The following TYW1 variants were observed in gnomAD, a reference collection of about 807,000 sequenced individuals.
TYW1 encodes tRNA-yW synthesizing protein 1 homolog, also known as S-adenosyl-L-methionine-dependent tRNA 4-demethylwyosine synthase TYW1.
A neutral mutation model predicts 96.2 loss-of-function variants in TYW1; 46 were observed. The ratio of observed to expected loss-of-function variants is 0.48; its 90% confidence interval spans 0.38 to 0.61. The LOEUF is 0.61. TYW1 is among the 20% of genes least tolerant of loss of function. The probability of loss-of-function intolerance (pLI) is 0.00; values close to 1 mark genes in which losing one functional copy is unlikely to be tolerated. For synonymous variants in TYW1, 274 were observed against 323.0 expected, an observed-to-expected ratio of 0.85 and a Z score of 1.63; for missense variants, 684 against 909.6, an observed-to-expected ratio of 0.75 and a Z score of 3.19.
At chr7:67,171,330 T>A (rs961188787) in intron 13 of TYW1, among the ~76,000 whole-genome samples, 9 of 152,190 alleles carry the variant, frequency 5.9e-5, no homozygotes, top group Non-Finnish European at 1.2e-4. Flanking sequence ...TCATAGAACA[T>A]ACTTTTGGTT....
At position 67,005,711 on chromosome 7, in the gene TYW1, C is replaced by T. The variant is rs553026143; in HGVS notation, c.274-3872C>T. ...CCCTCTTCTGACTCCAGTGTACTCT[C>T]AACTCAGCAACCTCAGTGACTGTTT... is the stretch of plus-strand genomic sequence containing the variant. On this transcript the variant is annotated intron_variant, in intron 3 of 15. Transcript: ENST00000359626. Among the ~76,000 whole-genome samples the T allele has an allele frequency of 5.3e-5, 8 of 152,342 alleles. No individual in the cohort carries two copies. In the East Asian group the frequency reaches 9.7e-4, roughly 18 times the overall value.
intron 13 of TYW1, among the ~76,000 whole-genome samples, chr7:67,154,220 C>A (rs761044779): frequency 2.0e-5 from 3 of 152,130 alleles, no homozygotes; most frequent in African/African-American, 4.8e-5. Flanking sequence ...CCGCGCCTGG[C>A]CCATTTAACG....
At chr7:67,189,582 A>G (rs1341178985) in intron 14 of TYW1, among the ~76,000 whole-genome samples, 3 of 152,210 alleles carry the variant, frequency 2.0e-5, no homozygotes, top group Non-Finnish European at 4.4e-5. Flanking sequence ...AAAATGTGCC[A>G]GTGTAGCCTA....
At chr7:67,093,391 T>C (rs533590138) in intron 11 of TYW1, among the ~76,000 whole-genome samples, 157 of 152,236 alleles carry the variant, frequency 1.0e-3, no homozygotes, top group African/African-American at 3.7e-3. Flanking sequence ...ACCAAGGATA[T>C]AAAACTACCT....
chr7:67,189,360 TTGTATGTGTGCA>T (rs1800130283), intron 14 of TYW1, among the ~76,000 whole-genome samples: 2 of 151,712 alleles, frequency 1.3e-5, no homozygotes, highest in South Asian at 2.1e-4. Context: ...CACTTGTGTG[TTGTATGTGTGCA>T]TGTATGTGTG....
Position 67,033,401 on chromosome 7 carries a change from C to T in TYW1, c.984+8379C>T, listed in dbSNP as rs544553182. On this transcript the variant is annotated intron_variant, in intron 7 of 15. Transcript: ENST00000359626. The stretch of plus-strand genomic sequence containing the variant: ...CCAATTCCTACCCAGCAGCAGTGCT[C>T]ACTTGCTAATGCAAGTAGCTGATCC... Among the ~76,000 whole-genome samples, 5 of 152,290 alleles carry T rather than the reference C, an allele frequency of 3.3e-5. No homozygotes were observed. The South Asian group carries it at 1.0e-3, about 32-fold the overall frequency.
chr7:67,162,873 G>A (rs1463253098), intron 13 of TYW1, among the ~76,000 whole-genome samples: 1 of 152,170 alleles, frequency 6.6e-6, no homozygotes, highest in Non-Finnish European at 1.5e-5. Flanking sequence ...TCATCTTGTG[G>A]TGGTGGTTTT....
At chr7:67,055,399 C>G (rs1795476310) in intron 8 of TYW1, among the ~76,000 whole-genome samples, 1 of 152,052 alleles carries the variant, frequency 6.6e-6, no homozygotes, top group African/African-American at 2.4e-5. Flanking sequence ...GAGTTCGAGA[C>G]CAGCCTGGCC....
At chr7:67,056,458 C>T (rs972703653) in intron 9 of TYW1, among the ~76,000 whole-genome samples, 2 of 149,084 alleles carry the variant, frequency 1.3e-5, no homozygotes, top group African/African-American at 5.0e-5. Context: ...TGCCACTGCA[C>T]TCCAGCCTGG....
chr7:67,210,980 CCTGT>C (rs1288562427), intron 15 of TYW1, among the ~76,000 whole-genome samples: 4 of 151,022 alleles, frequency 2.6e-5, no homozygotes, highest in African/African-American at 4.9e-5. Flanking sequence ...TGCCTGCCTG[CCTGT>C]CTGTCTATGT....
intron 15 of TYW1, among the ~76,000 whole-genome samples, chr7:67,221,049 T>G (rs1451568422): frequency 1.3e-5 from 2 of 152,208 alleles, no homozygotes; most frequent in East Asian, 3.8e-4. Context: ...TTCTTGCTTA[T>G]CTTTCTCTGG....
chr7:67,085,515 T>C (rs550571447), intron 11 of TYW1, among the ~76,000 whole-genome samples: 1 of 152,312 alleles, frequency 6.6e-6, no homozygotes, highest in Non-Finnish European at 1.5e-5. Context: ...CATGCTGAAC[T>C]GCGAATCAAT....
chr7:67,053,864 G>A (rs34208798), intron 8 of TYW1, among the ~76,000 whole-genome samples: 36,079 of 152,082 alleles, frequency 0.24, 4,491 homozygotes, highest in African/African-American at 0.3. Context: ...CTCTTTGTAG[G>A]TTTCATCTCT....
intron 13 of TYW1, among the ~76,000 whole-genome samples, chr7:67,129,193 T>A (rs2116043633): frequency 6.6e-6 from 1 of 152,314 alleles, no homozygotes; most frequent in Non-Finnish European, 1.5e-5. Flanking sequence ...ACCAAGCAAG[T>A]TAGGTTCTGG....
intron 13 of TYW1, among the ~76,000 whole-genome samples, chr7:67,120,763 G>A (rs1397156777): frequency 6.6e-6 from 1 of 152,182 alleles, no homozygotes; most frequent in East Asian, 1.9e-4. Flanking sequence ...TGGTCAAAAT[G>A]TTCCAAAAAC....
chr7:67,105,438 A>G (rs1251970771), intron 12 of TYW1, among the ~76,000 whole-genome samples: 1 of 152,238 alleles, frequency 6.6e-6, no homozygotes, highest in Non-Finnish European at 1.5e-5. Context: ...GATAAGAAGT[A>G]GGTTTTGCTT....
chr7:67,217,819 G>C (rs1451618030), intron 15 of TYW1, among the ~76,000 whole-genome samples: 3 of 135,852 alleles, frequency 2.2e-5, no homozygotes, highest in Non-Finnish European at 4.8e-5. Flanking sequence ...TATTGGATAT[G>C]TAGATAACTT....
intron 13 of TYW1, among the ~76,000 whole-genome samples, chr7:67,136,513 A>T (rs1798259048): frequency 6.6e-6 from 1 of 152,120 alleles, no homozygotes. Context: ...ATTGTTTTGT[A>T]TTTAATCATT....
chr7:67,073,589 G>A (rs938869149), intron 10 of TYW1, among the ~76,000 whole-genome samples: 8 of 151,204 alleles, frequency 5.3e-5, no homozygotes, highest in Admixed American at 1.3e-4. Flanking sequence ...GGCCAACAGA[G>A]GGAAACCCCG....
Sources: gnomAD v4.1 joint callset for allele counts (sites outside exome capture counted in the v4.1 genomes callset) on GRCh38, gnomAD v4.1.1 for gene constraint, MANE v1.5 for transcripts, NCBI Gene and HGNC (gene_info 2026-07-23, HGNC 2026-07-21) for gene names.